The following MOB1B variants were observed in gnomAD, a reference collection of about 807,000 sequenced individuals.
MOB1B encodes the protein MOB kinase activator 1B.
A neutral mutation model predicts 24.4 loss-of-function variants in MOB1B; 19 were observed. The observed-to-expected ratio is 0.78, with a 90% CI of 0.54 to 1.14. MOB1B has a LOEUF of 1.14. Ranked by LOEUF, MOB1B falls within the 50% of genes most tolerant of loss-of-function variation. The probability of loss-of-function intolerance (pLI) is 0.00; values close to 1 mark genes in which losing one functional copy is unlikely to be tolerated. For missense variants in MOB1B, 243 were observed against 259.6 expected (o/e 0.94, Z 0.44); for synonymous variants, 76 against 82.1 (o/e 0.93, Z 0.40).
At chr4:70,948,303 A>G (rs1056962999) in intron 1 of MOB1B, among the ~76,000 whole-genome samples, 1 of 152,194 alleles carries the variant, frequency 6.6e-6, no homozygotes, top group African/African-American at 2.4e-5. Flanking sequence ...TGTGCCTTAA[A>G]AAATGCTTAA....
upstream of MOB1B, chr4:70,902,220 G>A (rs1490831485): frequency 1.9e-6 from 1 of 529,564 alleles, no homozygotes; most frequent in South Asian, 2.1e-5. Context: ...GCCGGGGTGG[G>A]CTTGCACCGC....
chr4:70,909,123 T>C (rs991560503), intron 1 of MOB1B, among the ~76,000 whole-genome samples: 1 of 151,996 alleles, frequency 6.6e-6, no homozygotes, highest in Non-Finnish European at 1.5e-5. Context: ...CTGTCTCTGT[T>C]TCTCTCTAGA....
chr4:70,920,614 A>G (rs1296991081), intron 1 of MOB1B, among the ~76,000 whole-genome samples: 1 of 152,230 alleles, frequency 6.6e-6, no homozygotes, highest in African/African-American at 2.4e-5. Flanking sequence ...ACAGAGAAAG[A>G]AGCCAGATAT....
rs1361385460 is a variant in MOB1B at position 70,986,224 on chromosome 4, A to G, written c.*4167A>G. The G allele has an allele frequency of 6.6e-6, 1 of 152,172 alleles. No individual in the cohort carries two copies. Among genetic ancestry groups the G allele is most frequent in the East Asian group, 1.9e-4 (1 of 5,202 alleles). The allele number at this position is 152,172 out of a possible 1,614,324, so 9.4% of individuals were successfully genotyped here. Reference sequence around the variant, plus strand: ...GATACTATGGAAAAGTGGATCCAATATTTAAGATAGAAGTAGTTTAAGGAG... The same window carrying G: ...GATACTATGGAAAAGTGGATCCAATGTTTAAGATAGAAGTAGTTTAAGGAG... On this transcript the variant is annotated 3_prime_UTR_variant, in exon 6 of 6. Transcript: ENST00000309395.
At chr4:70,935,926 A>G (rs868527010) in intron 1 of MOB1B, among the ~76,000 whole-genome samples, 2 of 138,216 alleles carry the variant, frequency 1.4e-5, no homozygotes, top group Middle Eastern at 4.2e-3. Context: ...ATCTCGGCTC[A>G]CTGCAAGCTC....
chr4:70,980,128 T>C (rs1204985153), intron 5 of MOB1B, among the ~76,000 whole-genome samples: 1 of 152,172 alleles, frequency 6.6e-6, no homozygotes, highest in Admixed American at 6.6e-5. Flanking sequence ...CCCTGTTCTC[T>C]TAAGAAATTT....
At chr4:70,921,767 A>G (rs763022993) in intron 1 of MOB1B, among the ~76,000 whole-genome samples, 5 of 152,032 alleles carry the variant, frequency 3.3e-5, no homozygotes, top group Non-Finnish European at 5.9e-5. Flanking sequence ...TTGGCCTCCC[A>G]AAGTGCTGGG....
At chr4:70,916,077 G>T (rs961590360) in intron 1 of MOB1B, among the ~76,000 whole-genome samples, 1 of 152,164 alleles carries the variant, frequency 6.6e-6, no homozygotes, top group Non-Finnish European at 1.5e-5. Context: ...GCCTTAGCAT[G>T]AACGACTCCA....
chr4:70,919,464 A>G lies in MOB1B; in HGVS notation c.14+16914A>G, dbSNP rs1036614251. On this transcript the variant is annotated intron_variant, in intron 1 of 5. Transcript: ENST00000309395. Reference sequence around the variant, plus strand: ...TTTTACCAAAAAAACCTCACATTCTACTGTTCTTACACACATTGTATGTAA... The same window carrying G: ...TTTTACCAAAAAAACCTCACATTCTGCTGTTCTTACACACATTGTATGTAA... Among the ~76,000 whole-genome samples, 9 of 152,298 alleles carry G rather than the reference A, an allele frequency of 5.9e-5. No homozygotes were observed. The East Asian group carries it at 1.5e-3, about 26-fold the overall frequency.
intron 2 of MOB1B, among the ~76,000 whole-genome samples, chr4:70,962,152 A>T (rs1234260466): frequency 6.6e-6 from 1 of 152,190 alleles, no homozygotes. Flanking sequence ...CGAGCCCAGG[A>T]GTTCGAGGTT....
At chr4:70,915,358 A>G (rs1736155395) in intron 1 of MOB1B, among the ~76,000 whole-genome samples, 1 of 152,214 alleles carries the variant, frequency 6.6e-6, no homozygotes, top group South Asian at 2.1e-4. Flanking sequence ...TTTATTGAAA[A>G]TGAAAGTACA....
chr4:70,956,473 C>G (rs1738058631), intron 1 of MOB1B, among the ~76,000 whole-genome samples: 1 of 151,948 alleles, frequency 6.6e-6, no homozygotes, highest in Non-Finnish European at 1.5e-5. Context: ...CTCTATCACC[C>G]AGGCTGGAAA....
rs756915946 is a variant in MOB1B at position 70,984,746 on chromosome 4, CAAAA to C, written c.*2691_*2694del. On this transcript the variant is annotated 3_prime_UTR_variant, in exon 6 of 6. Coordinates refer to ENST00000309395, the MANE Select transcript of MOB1B (RefSeq NM_173468.4). ...AGTGGTGGTAGAGAGAAATTAATAA[CAAAA>C]AGAGTGAAAATATTTTAATTAGCAG... 1 of 152,084 alleles carries C rather than the reference CAAAA, an allele frequency of 6.6e-6. No homozygotes were observed. The highest frequency in any genetic ancestry group is 2.4e-5 in the African/African-American group (1 of 41,420). 9.4% of individuals were successfully genotyped at this position (152,084 alleles called of 1,614,324 possible).
chr4:70,927,039 C>T (rs1407277181), intron 1 of MOB1B, among the ~76,000 whole-genome samples: 1 of 151,808 alleles, frequency 6.6e-6, no homozygotes, highest in Non-Finnish European at 1.5e-5. Flanking sequence ...GGTCTCTGTC[C>T]TCAAGAATCT....
At chr4:70,939,154 A>G (rs1212065209) in intron 1 of MOB1B, among the ~76,000 whole-genome samples, 1 of 152,246 alleles carries the variant, frequency 6.6e-6, no homozygotes, top group Non-Finnish European at 1.5e-5. Context: ...TCACTTAGAC[A>G]CAACACAATT....
At chr4:70,916,355 A>G (rs1223102216) in intron 1 of MOB1B, among the ~76,000 whole-genome samples, 1 of 152,208 alleles carries the variant, frequency 6.6e-6, no homozygotes, top group African/African-American at 2.4e-5. Flanking sequence ...ACCATATGAC[A>G]TTCTAGAGAT....
intron 1 of MOB1B, among the ~76,000 whole-genome samples, chr4:70,947,514 T>G (rs1242501151): frequency 6.6e-6 from 1 of 152,178 alleles, no homozygotes; most frequent in Admixed American, 6.5e-5. Flanking sequence ...TAACAGCTCT[T>G]TGTATATTTT....
intron 1 of MOB1B, among the ~76,000 whole-genome samples, chr4:70,933,031 A>G (rs1736941058): frequency 6.6e-6 from 1 of 152,186 alleles, no homozygotes; most frequent in Non-Finnish European, 1.5e-5. Flanking sequence ...AAAGAGGTTC[A>G]ACTGACTCCC....
chr4:70,915,165 G>T (rs187896517), intron 1 of MOB1B, among the ~76,000 whole-genome samples: 1 of 152,100 alleles, frequency 6.6e-6, no homozygotes, highest in Non-Finnish European at 1.5e-5. Context: ...ATTTCTATCG[G>T]TTTGTTATGG....
Sources: gnomAD v4.1 joint callset for allele counts (sites outside exome capture counted in the v4.1 genomes callset) on GRCh38, gnomAD v4.1.1 for gene constraint, MANE v1.5 for transcripts, NCBI Gene and HGNC (gene_info 2026-07-23, HGNC 2026-07-21) for gene names.